RALGAPA1: variants seen among roughly 807,000 people sequenced by gnomAD.
RALGAPA1 encodes the protein ral GTPase-activating protein subunit alpha-1.
Under a neutral mutation model 269.6 loss-of-function variants are expected in RALGAPA1, and 52 were observed. That is an observed-to-expected ratio of 0.19 (90% CI 0.15 to 0.24). The LOEUF is 0.24. Ranked by LOEUF, RALGAPA1 falls within the 10% of genes least tolerant of loss-of-function variation. The pLI, the probability that RALGAPA1 is intolerant of heterozygous loss-of-function variation, is 1.00. For missense variants in RALGAPA1, 1,917 were observed against 3,013.9 expected (o/e 0.64, Z 8.52); for synonymous variants, 817 against 1,008.3 (o/e 0.81, Z 3.60).
At chr14:35,715,432 A>G (rs908305720) in intron 16 of RALGAPA1, among the ~76,000 whole-genome samples, 1 of 151,932 alleles carries the variant, frequency 6.6e-6, no homozygotes, top group Non-Finnish European at 1.5e-5. Flanking sequence ...CTCTTCAAAC[A>G]TTTCAAACAT....
At chr14:35,807,036 A>T (rs536256075) in intron 1 of RALGAPA1, among the ~76,000 whole-genome samples, 1 of 152,326 alleles carries the variant, frequency 6.6e-6, no homozygotes, top group African/African-American at 2.4e-5. Context: ...TGTCTGCCAG[A>T]TGGAAAAAAA....
chr14:35,739,079 C>T (rs1452689248), intron 11 of RALGAPA1, among the ~76,000 whole-genome samples: 1 of 151,902 alleles, frequency 6.6e-6, no homozygotes, highest in Non-Finnish European at 1.5e-5. Context: ...CTTAGGAGTA[C>T]TAAAATTCTC....
intron 11 of RALGAPA1, 124 bp from the exon 12 acceptor site, chr14:35,738,774 AGAT>A: frequency 1.5e-6 from 1 of 688,940 alleles, no homozygotes; most frequent in Admixed American, 3.2e-5. Flanking sequence ...CTCTCAAAAT[AGAT>A]GATGTCTTAT....
At chr14:35,757,054 A>G (rs574315855) in intron 6 of RALGAPA1, 146 bp from the exon 7 acceptor site, 2 of 420,774 alleles carry the variant, frequency 4.8e-6, no homozygotes, top group South Asian at 2.1e-4. Context: ...AATAAATCTT[A>G]AGATCATCCC....
intron 35 of RALGAPA1, among the ~76,000 whole-genome samples, chr14:35,622,542 T>G (rs1259428763): frequency 1.3e-5 from 2 of 151,990 alleles, no homozygotes; most frequent in East Asian, 3.9e-4. Context: ...TATATACACT[T>G]ACAATGTGCC....
At chr14:35,706,389 C>A (rs551506905) in intron 16 of RALGAPA1, among the ~76,000 whole-genome samples, 1 of 152,256 alleles carries the variant, frequency 6.6e-6, no homozygotes, top group Non-Finnish European at 1.5e-5. Context: ...AAAAGACCAT[C>A]CTTTCTCCAT....
intron 39 of RALGAPA1, among the ~76,000 whole-genome samples, chr14:35,556,138 C>T (rs2055579917): frequency 6.6e-6 from 1 of 152,068 alleles, no homozygotes; most frequent in Non-Finnish European, 1.5e-5. Context: ...TATCATTACA[C>T]AGGGTCTTGA....
rs113155565 is a variant in RALGAPA1 at position 35,628,822 on chromosome 14, AT to A, written c.5996-872del. 2.1e-3 allele frequency among the ~76,000 whole-genome samples: 327 copies of A among 152,276 alleles called. 4 individuals carry two copies. Among genetic ancestry groups the A allele is most frequent in the African/African-American group, 7.5e-3 (311 of 41,540 alleles). On this transcript the variant is annotated intron_variant, in intron 33 of 41. Transcript: ENST00000680220. ...TAGCAGTCAGTTGTATGCAAGAAAT[AT>A]TTTTTTCCCTCAAGTACAATACAGA... is the stretch of plus-strand genomic sequence containing the variant.
chr14:35,685,700 T>A (rs1050703141), intron 19 of RALGAPA1, among the ~76,000 whole-genome samples: 1 of 152,094 alleles, frequency 6.6e-6, no homozygotes, highest in African/African-American at 2.4e-5. Context: ...GGTCAGGAGT[T>A]CGAGACCAGT....
At chr14:35,724,074 A>C (rs925671308) in intron 14 of RALGAPA1, among the ~76,000 whole-genome samples, 1 of 151,872 alleles carries the variant, frequency 6.6e-6, no homozygotes, top group Admixed American at 6.6e-5. Flanking sequence ...AATTTAATAC[A>C]AAAAAAAGAC....
intron 12 of RALGAPA1, among the ~76,000 whole-genome samples, chr14:35,729,876 C>T (rs138563018): frequency 8.5e-5 from 13 of 152,174 alleles, no homozygotes; most frequent in South Asian, 6.2e-4. Context: ...TCATGGCTGA[C>T]GGGAAGCAGA....
intron 4 of RALGAPA1, among the ~76,000 whole-genome samples, chr14:35,768,747 G>A (rs999720073): frequency 5.3e-5 from 8 of 151,606 alleles, no homozygotes; most frequent in African/African-American, 1.7e-4. Context: ...AGTGGCTCAC[G>A]TCTTTAATCC....
chr14:35,660,647 T>C (rs983988436), intron 27 of RALGAPA1, among the ~76,000 whole-genome samples: 7 of 152,138 alleles, frequency 4.6e-5, no homozygotes, highest in African/African-American at 1.7e-4. Context: ...AGTGTACTCC[T>C]ATGTTCATTG....
intron 41 of RALGAPA1, chr14:35,541,809 GT>G (rs780412540): frequency 2.2e-6 from 1 of 457,402 alleles, no homozygotes; most frequent in South Asian, 1.5e-5. Context: ...TTCTTTCTTT[GT>G]TGTGAATGAA....
chr14:35,742,580 G>A lies in RALGAPA1; in HGVS notation c.1252-15C>T. ...AATAAAAATGCCTAGGGAAAAAAAGGAGAATCAAGATAATGATACTTTTTC... is the reference window on the plus strand; with the variant it reads ...AATAAAAATGCCTAGGGAAAAAAAGAAGAATCAAGATAATGATACTTTTTC... On this transcript the variant is annotated splice_polypyrimidine_tract_variant and intron_variant, in intron 10 of 41. Coordinates refer to ENST00000680220, the MANE Select transcript of RALGAPA1 (RefSeq NM_001346249.2). The A allele has an allele frequency of 6.4e-7, 1 of 1,565,620 alleles. No individual in the cohort carries two copies. Among genetic ancestry groups the A allele is most frequent in the Non-Finnish European group, 8.8e-7 (1 of 1,136,798 alleles).
chr14:35,806,100 A>G (rs1424523818), intron 1 of RALGAPA1, among the ~76,000 whole-genome samples: 1 of 152,194 alleles, frequency 6.6e-6, no homozygotes, highest in Non-Finnish European at 1.5e-5. Flanking sequence ...AAATTATTCA[A>G]TTATGTACTT....
chr14:35,623,575 G>A (rs2060789051), intron 35 of RALGAPA1, among the ~76,000 whole-genome samples: 1 of 152,144 alleles, frequency 6.6e-6, no homozygotes. Context: ...TTAGTATCTG[G>A]TGATGGCCAG....
chr14:35,624,798 T>C (rs1400291053), intron 35 of RALGAPA1, among the ~76,000 whole-genome samples: 1 of 152,158 alleles, frequency 6.6e-6, no homozygotes, highest in African/African-American at 2.4e-5. Context: ...TAATGAGAGA[T>C]GTGACTAAGG....
intron 31 of RALGAPA1, among the ~76,000 whole-genome samples, chr14:35,649,021 G>A (rs189468350): frequency 2.0e-5 from 3 of 152,264 alleles, no homozygotes; most frequent in African/African-American, 7.2e-5. Flanking sequence ...CGCCTTAAGT[G>A]ATTTCATATA....
Sources: gnomAD v4.1 joint callset for allele counts (sites outside exome capture counted in the v4.1 genomes callset) on GRCh38, gnomAD v4.1.1 for gene constraint, MANE v1.5 for transcripts, NCBI Gene and HGNC (gene_info 2026-07-23, HGNC 2026-07-21) for gene names.